SNTG1: variants seen among roughly 807,000 people sequenced by gnomAD.
SNTG1 encodes the protein syntrophin gamma 1.
Under a neutral mutation model 74.7 loss-of-function variants are expected in SNTG1, and 39 were observed. That is an observed-to-expected ratio of 0.52 (90% CI 0.40 to 0.68). The LOEUF is 0.68. Among genes scored for constraint, SNTG1 ranks in the 30% least tolerant of loss-of-function variants. The probability of loss-of-function intolerance (pLI) is 0.00; values close to 1 mark genes in which losing one functional copy is unlikely to be tolerated. For missense variants in SNTG1, 685 were observed against 609.5 expected, an observed-to-expected ratio of 1.12 and a Z score of -1.30; for synonymous variants, 254 against 217.1, an observed-to-expected ratio of 1.17 and a Z score of -1.49.
intron 9 of SNTG1, among the ~76,000 whole-genome samples, chr8:50,503,576 T>C (rs758288580): frequency 1.3e-5 from 2 of 152,236 alleles, no homozygotes; most frequent in Non-Finnish European, 2.9e-5. Context: ...CTCTTCTTCA[T>C]ACATTATTTT....
intron 2 of SNTG1, among the ~76,000 whole-genome samples, chr8:50,204,432 A>T (rs940812403): frequency 7.2e-5 from 11 of 151,906 alleles, no homozygotes; most frequent in South Asian, 2.1e-4. Context: ...ACCTTGCCAG[A>T]CAATATTTGT....
At chr8:49,987,345 A>T (rs1813259861) in intron 1 of SNTG1, among the ~76,000 whole-genome samples, 1 of 152,358 alleles carries the variant, frequency 6.6e-6, no homozygotes, top group Non-Finnish European at 1.5e-5. Flanking sequence ...AATTAAAATT[A>T]TAAAACAAAA....
In SNTG1 at chr8:50,401,807, G is replaced by T. The variant is rs2092809622; in HGVS notation, c.28-403G>T. 2.0e-5 allele frequency among the ~76,000 whole-genome samples: 3 copies of T among 152,144 alleles called. No homozygotes were observed. The South Asian group carries it at 6.2e-4, about 32-fold the overall frequency. ...ATTACAGTGATGGTTGCACACCATT[G>T]AGTATATTAAAAATACATGAATTGT... On this transcript the variant is annotated intron_variant, in intron 3 of 18. Coordinates refer to ENST00000642720, the MANE Select transcript of SNTG1 (RefSeq NM_018967.5).
At chr8:50,114,691 C>T (rs2080742948) in intron 1 of SNTG1, among the ~76,000 whole-genome samples, 2 of 152,028 alleles carry the variant, frequency 1.3e-5, no homozygotes, top group African/African-American at 4.8e-5. Flanking sequence ...ATGGTGAAAC[C>T]CCGTCTCTAC....
intron 2 of SNTG1, among the ~76,000 whole-genome samples, chr8:50,350,739 C>T (rs556939083): frequency 6.6e-6 from 1 of 152,294 alleles, no homozygotes; most frequent in African/African-American, 2.4e-5. Context: ...TTTATGTCAA[C>T]ACTCTGTATC....
intron 1 of SNTG1, among the ~76,000 whole-genome samples, chr8:50,030,650 T>C (rs1817665168): frequency 6.6e-6 from 1 of 152,078 alleles, no homozygotes; most frequent in Non-Finnish European, 1.5e-5. Flanking sequence ...AGGCATTAGA[T>C]GTCAGTACTT....
At chr8:50,557,318 A>C (rs2094462046) in intron 12 of SNTG1, among the ~76,000 whole-genome samples, 1 of 152,152 alleles carries the variant, frequency 6.6e-6, no homozygotes, top group African/African-American at 2.4e-5. Flanking sequence ...AGTTAAAGTC[A>C]CAAAGTTTTG....
At chr8:50,358,319 A>G (rs143704134) in intron 2 of SNTG1, among the ~76,000 whole-genome samples, 7 of 152,356 alleles carry the variant, frequency 4.6e-5, no homozygotes, top group Non-Finnish European at 7.3e-5. Context: ...TATTCATTAG[A>G]GTAAGTTTTT....
At chr8:49,949,561 C>T (rs190937926) in intron 1 of SNTG1, among the ~76,000 whole-genome samples, 30 of 152,246 alleles carry the variant, frequency 2.0e-4, no homozygotes, top group African/African-American at 5.8e-4. Context: ...CTTCATGTAG[C>T]TCATTGTAAG....
At chr8:50,251,729 T>G (rs952805018) in intron 2 of SNTG1, among the ~76,000 whole-genome samples, 3 of 152,000 alleles carry the variant, frequency 2.0e-5, no homozygotes, top group Non-Finnish European at 4.4e-5. Context: ...TTACTAGACC[T>G]AAAAGGAGAG....
intron 18 of SNTG1, among the ~76,000 whole-genome samples, chr8:50,771,530 G>A (rs535624087): frequency 2.6e-5 from 4 of 152,172 alleles, no homozygotes; most frequent in Admixed American, 1.3e-4. Flanking sequence ...AAAGCAGAAC[G>A]TAAAGATTTT....
chr8:50,375,350 A>T (rs1239901817), intron 2 of SNTG1, among the ~76,000 whole-genome samples: 1 of 152,022 alleles, frequency 6.6e-6, no homozygotes, highest in African/African-American at 2.4e-5. Context: ...CCTGGGGGAC[A>T]AGCTCCAGAA....
intron 2 of SNTG1, among the ~76,000 whole-genome samples, chr8:50,233,924 C>T (rs910156149): frequency 4.6e-5 from 7 of 151,630 alleles, no homozygotes; most frequent in African/African-American, 1.5e-4. Flanking sequence ...AAAGAGAAAA[C>T]GGATCGCTCA....
chr8:50,683,405 A>T (rs2095339030), intron 15 of SNTG1, among the ~76,000 whole-genome samples: 2 of 152,154 alleles, frequency 1.3e-5, no homozygotes. Context: ...GTCATTCTTT[A>T]GAAGAGGACT....
chr8:50,286,837 T>G (rs978385366), intron 2 of SNTG1: 1 of 152,194 alleles, frequency 6.6e-6, no homozygotes, highest in Admixed American at 6.6e-5. Context: ...CAGAATATTT[T>G]TCAAGCCATA....
At chr8:50,534,815 A>T (rs1464002820) in intron 10 of SNTG1, among the ~76,000 whole-genome samples, 2 of 152,108 alleles carry the variant, frequency 1.3e-5, no homozygotes, top group African/African-American at 4.8e-5. Context: ...TTCCTTTCAA[A>T]TATGAACATA....
At chr8:50,657,221 G>A (rs2095188219) in intron 14 of SNTG1, among the ~76,000 whole-genome samples, 196 bp downstream of exon 14, 1 of 152,206 alleles carries the variant, frequency 6.6e-6, no homozygotes, top group Admixed American at 6.5e-5. Flanking sequence ...CCCTTGAAAA[G>A]TCTGGAACTT....
intron 15 of SNTG1, among the ~76,000 whole-genome samples, chr8:50,668,300 CT>C (rs2095260360): frequency 6.6e-6 from 1 of 151,854 alleles, no homozygotes; most frequent in African/African-American, 2.4e-5. Flanking sequence ...ACCAAGACAT[CT>C]TTCAAGTGCC....
Position 50,656,956 on chromosome 8 carries a change from G to A in SNTG1, c.897G>A (p.Gln299=). The A allele has an allele frequency of 6.2e-7, 1 of 1,601,740 alleles. No individual in the cohort carries two copies. The highest frequency in any genetic ancestry group is 8.5e-7 in the Non-Finnish European group (1 of 1,173,956). ...WCEAREQDPL[Q]DRVYSPTFLA... The stretch of plus-strand genomic sequence containing the variant: ...AAGCCCGGGAGCAAGACCCCCTCCA[G>A]GACAGAGTGTACTCCCCGACCTTCC... Residue 299 remains glutamine, a synonymous_variant, in exon 14 of 19, where the codon CAG becomes CAA. Coordinates refer to ENST00000642720, the MANE Select transcript of SNTG1 (RefSeq NM_018967.5).
Sources: gnomAD v4.1 joint callset for allele counts (sites outside exome capture counted in the v4.1 genomes callset) on GRCh38, gnomAD v4.1.1 for gene constraint, MANE v1.5 for transcripts, NCBI Gene and HGNC (gene_info 2026-07-23, HGNC 2026-07-21) for gene names.